The following DHRS12 variants were observed in gnomAD, a reference collection of about 807,000 sequenced individuals.
The protein encoded by DHRS12 is dehydrogenase/reductase 12, also known as dehydrogenase/reductase SDR family member 12.
Under a neutral mutation model 32.1 loss-of-function variants are expected in DHRS12, and 29 were observed. The observed-to-expected ratio is 0.90, with a 90% CI of 0.67 to 1.23. The LOEUF is 1.23. Ranked by LOEUF, DHRS12 falls within the 50% of genes most tolerant of loss-of-function variation. DHRS12 has a pLI of 0.00. For synonymous variants in DHRS12, 150 were observed against 135.9 expected, an observed-to-expected ratio of 1.10 and a Z score of -0.72; for missense variants, 330 against 337.2, an observed-to-expected ratio of 0.98 and a Z score of 0.17.
intron 1 of DHRS12, among the ~76,000 whole-genome samples, chr13:51,801,347 C>T (rs540568004): frequency 6.6e-6 from 1 of 152,064 alleles, no homozygotes; most frequent in African/African-American, 2.4e-5. Context: ...TCACCACACC[C>T]GGCTAATTTT....
At chr13:51,799,780 A>G in intron 1 of DHRS12, 113 bp from the exon 2 acceptor site, 2 of 1,280,428 alleles carry the variant, frequency 1.6e-6, no homozygotes, top group South Asian at 1.5e-5. Flanking sequence ...GCCTCTCCCA[A>G]CACATCACGA....
intron 1 of DHRS12, among the ~76,000 whole-genome samples, chr13:51,801,913 G>C (rs2139458772): frequency 6.6e-6 from 1 of 152,280 alleles, no homozygotes; most frequent in Non-Finnish European, 1.5e-5. Flanking sequence ...AATGTTTGCT[G>C]AGGCTGGCTC....
the DHRS12 span, chr13:51,758,424 G>A: frequency 3.5e-6 from 2 of 565,724 alleles, no homozygotes; most frequent in East Asian, 6.4e-5. Context: ...GGTGGCATGT[G>A]TCTGTAGTCC....
intron 4 of DHRS12, among the ~76,000 whole-genome samples, chr13:51,784,976 C>T (rs769921189): frequency 6.6e-5 from 10 of 152,192 alleles, no homozygotes; most frequent in Admixed American, 2.6e-4. Flanking sequence ...GCCTGTAATC[C>T]CAGCAATTTG....
intron 2 of DHRS12, chr13:51,797,823 C>T (rs1955576644): frequency 3.9e-6 from 6 of 1,534,810 alleles, no homozygotes; most frequent in Non-Finnish European, 5.2e-6. Context: ...AGGAGCTGCT[C>T]ACCTGGTTAC....
chr13:51,756,401 A>G, the DHRS12 span: 1 of 1,614,074 alleles, frequency 6.2e-7, no homozygotes, highest in Admixed American at 1.7e-5. Context: ...CATCCCCCTG[A>G]TGGGCTTCGA....
At chr13:51,760,742 T>C in the DHRS12 span, 1 of 152,264 alleles carries the variant, frequency 6.6e-6, no homozygotes, top group Non-Finnish European at 1.5e-5. Context: ...TAGCTTCTCA[T>C]AAGGAGCACG....
intron 1 of DHRS12, among the ~76,000 whole-genome samples, chr13:51,802,169 T>TCACACACACA (rs56270918): frequency 3.8e-4 from 53 of 139,870 alleles, no homozygotes; most frequent in Admixed American, 8.6e-4. Flanking sequence ...TCTCTATTTT[T>TCACACACACA]CACACACACA....
chr13:51,804,156 T>C lies in DHRS12; in HGVS notation c.-111A>G. 7.0e-7 allele frequency: 1 copy of C among 1,419,120 alleles called. No homozygotes were observed. Among genetic ancestry groups the C allele is most frequent in the Admixed American group, 3.1e-5 (1 of 32,678 alleles). 87.9% of individuals were successfully genotyped at this position (1,419,120 alleles called of 1,614,324 possible). ...GCCCCACCGCGCTCCCGGCGCGGCC[T>C]CCGCCCTGGTCCCGCCCCCCGGGAG... On this transcript the variant is annotated 5_prime_UTR_variant, in exon 1 of 9. Coordinates refer to ENST00000444610, the MANE Select transcript of DHRS12 (RefSeq NM_001377533.1).
chr13:51,791,329 A>C (rs1955261026), intron 2 of DHRS12, 72 bp from the exon 3 acceptor site: 2 of 931,516 alleles, frequency 2.1e-6, no homozygotes, highest in Non-Finnish European at 1.6e-6. Flanking sequence ...ATTTTAAAAA[A>C]GTATACGGTT....
the DHRS12 span, among the ~76,000 whole-genome samples, chr13:51,755,663 G>A: frequency 2.0e-5 from 3 of 152,172 alleles, no homozygotes; most frequent in Non-Finnish European, 4.4e-5. Context: ...TTGGTTCCCA[G>A]TAAGCAGTTA....
intron 4 of DHRS12, among the ~76,000 whole-genome samples, chr13:51,784,262 A>T (rs1412777845): frequency 6.6e-6 from 1 of 152,220 alleles, no homozygotes; most frequent in Non-Finnish European, 1.5e-5. Flanking sequence ...CACAACAGGC[A>T]CACAGAGGGG....
At chr13:51,770,677 A>C (rs1953967990) in intron 7 of DHRS12, 1 of 876,174 alleles carries the variant, frequency 1.1e-6, no homozygotes, top group East Asian at 1.2e-4. Context: ...ATTTCTGCCA[A>C]ATCTCCAAGC....
chr13:51,802,491 C>T lies in DHRS12; in HGVS notation c.-9+1563G>A, dbSNP rs1212161599. Among the ~76,000 whole-genome samples the T allele has an allele frequency of 2.0e-5, 3 of 152,158 alleles. No individual in the cohort carries two copies. The East Asian group carries it at 5.8e-4, about 29-fold the overall frequency. On this transcript the variant is annotated intron_variant, in intron 1 of 8. Coordinates refer to ENST00000444610, the MANE Select transcript of DHRS12 (RefSeq NM_001377533.1). The stretch of plus-strand genomic sequence containing the variant: ...GGAAGCTGGCAGGTATCTGTGTCTC[C>T]CCACACCCTCAATTTACCCAAATAT...
Position 51,769,266 on chromosome 13 carries a change from T to A in DHRS12, c.587A>T (p.His196Leu). 6.3e-7 allele frequency: 1 copy of A among 1,583,570 alleles called. No homozygotes were observed. The highest frequency in any genetic ancestry group is 8.6e-7 in the Non-Finnish European group (1 of 1,164,350). The change falls in exon 8 of 9, where the codon CAC (histidine) becomes CTC (leucine). Residue 196 changes from histidine to leucine, a missense_variant. By Grantham distance (99) the His-to-Leu change is moderately conservative (BLOSUM62 -3). Coordinates refer to ENST00000444610, the MANE Select transcript of DHRS12 (RefSeq NM_001377533.1). Reference sequence around the variant, plus strand: ...GCGCAGGCGGTCCCCGAACCTGGCGTGGAACCCCGGCATCGCCTGCCTCAC... The same window carrying A: ...GCGCAGGCGGTCCCCGAACCTGGCGAGGAACCCCGGCATCGCCTGCCTCAC... ...PGVRQAMPGF[H>L]ARFGDRLRSE...
chr13:51,760,582 T>G, the DHRS12 span: 7 of 152,162 alleles, frequency 4.6e-5, no homozygotes, highest in African/African-American at 1.7e-4. Context: ...CTGAGCCTCT[T>G]GTTTTAGCTT....
At chr13:51,802,640 C>T (rs557166899) in intron 1 of DHRS12, among the ~76,000 whole-genome samples, 21 of 152,330 alleles carry the variant, frequency 1.4e-4, no homozygotes, top group African/African-American at 4.8e-4. Context: ...GCCTTAGGAG[C>T]CCAATATAGG....
At chr13:51,756,703 G>C in the DHRS12 span, 1 of 955,264 alleles carries the variant, frequency 1.0e-6, no homozygotes, top group Non-Finnish European at 1.2e-6. Flanking sequence ...TCTAGGTTAT[G>C]TGCCTTTAAA....
chr13:51,769,337 G>A lies in DHRS12; in HGVS notation c.560-44C>T. 3.7e-6 allele frequency: 5 copies of A among 1,366,766 alleles called. No homozygotes were observed. The South Asian group carries it at 4.7e-5, about 13-fold the overall frequency. The allele number at this position is 1,366,766 out of a possible 1,614,324, so 84.7% of individuals were successfully genotyped here. On this transcript the variant is annotated intron_variant, in intron 7 of 8. Transcript: ENST00000444610. ...AGGCGGATTAGGACAGCATTCTCCA[G>A]CAAATGTGGTTGACTTCCCTTAATT...
Sources: gnomAD v4.1 joint callset for allele counts (sites outside exome capture counted in the v4.1 genomes callset) on GRCh38, gnomAD v4.1.1 for gene constraint, MANE v1.5 for transcripts, NCBI Gene and HGNC (gene_info 2026-07-23, HGNC 2026-07-21) for gene names.